UPRT: variants seen among roughly 807,000 people sequenced by gnomAD.
The protein encoded by UPRT is RP11-311P8.3.
In UPRT, 5 loss-of-function variants were observed where a neutral mutation model predicts 22.6. The observed-to-expected ratio is 0.22, with a 90% CI of 0.12 to 0.47. UPRT has a LOEUF of 0.47. UPRT is among the 20% of genes least tolerant of loss of function. The probability of loss-of-function intolerance (pLI) is 0.99; values close to 1 mark genes in which losing one functional copy is unlikely to be tolerated. For missense variants in UPRT, 181 were observed against 239.9 expected, an observed-to-expected ratio of 0.75 and a Z score of 1.62; for synonymous variants, 77 against 87.7, an observed-to-expected ratio of 0.88 and a Z score of 0.68.
intron 6 of UPRT, among the ~76,000 whole-genome samples, chrX:75,302,650 A>G (rs2082748372): frequency 9.0e-6 from 1 of 111,439 alleles, no homozygotes; most frequent in Non-Finnish European, 1.9e-5. Context: ...TATGTTATTT[A>G]TTTAACCATT....
At chrX:75,180,681 G>GT (rs59522302) in intron 4 of UPRT, among the ~76,000 whole-genome samples, 20 of 43,898 alleles carry the variant, frequency 4.6e-4, no homozygotes, top group African/African-American at 8.3e-4. Context: ...CCTTTTCTCT[G>GT]TTTTTTTTTT....
chrX:75,161,327 TC>T (rs1335487488), intron 2 of UPRT, among the ~76,000 whole-genome samples: 2 of 113,015 alleles, frequency 1.8e-5, no homozygotes, highest in Middle Eastern at 4.6e-3. Context: ...AAGGTCTGAT[TC>T]CAGAGCCCAT....
At chrX:75,268,705 A>G (rs1427485399) in intron 4 of UPRT, among the ~76,000 whole-genome samples, 1 of 27,693 alleles carries the variant, frequency 3.6e-5, no homozygotes, top group Non-Finnish European at 3.8e-4. Flanking sequence ...ATAAAATTCA[A>G]CAGCCCTTCA....
chrX:75,243,484 C>T (rs1433943636), intron 4 of UPRT, among the ~76,000 whole-genome samples: 1 of 111,250 alleles, frequency 9.0e-6, no homozygotes, highest in African/African-American at 3.3e-5. Flanking sequence ...TGGCAATCCT[C>T]AAGTTTTTTG....
At chrX:75,290,793 T>C (rs962128695) in intron 1 of UPRT, among the ~76,000 whole-genome samples, 3 of 109,447 alleles carry the variant, frequency 2.7e-5, no homozygotes, top group Non-Finnish European at 5.7e-5. Context: ...TGGGGACTAC[T>C]AAATGGGGGA....
intron 4 of UPRT, among the ~76,000 whole-genome samples, chrX:75,197,255 A>G (rs1374914896): frequency 8.9e-6 from 1 of 112,100 alleles, no homozygotes; most frequent in East Asian, 2.8e-4. Context: ...GCGGTGGCAA[A>G]CACAAATTTC....
rs1054154992 is a variant in UPRT, at chrX:75,182,275, T to C, written c.-447+14396T>C. ...AGTTTGCTAGTCATTCTTTGAGGAT[T>C]TTTTCATTTATATTCATCAGGAATA... On this transcript the variant is annotated intron_variant, in intron 4 of 13. Transcript: ENST00000652605. 6.3e-5 allele frequency among the ~76,000 whole-genome samples: 7 copies of C among 112,000 alleles called. No individual in the cohort carries two copies. The East Asian group carries it at 1.7e-3, about 27-fold the overall frequency.
intron 4 of UPRT, among the ~76,000 whole-genome samples, chrX:75,187,630 T>C (rs2082298503): frequency 8.9e-6 from 1 of 112,287 alleles, no homozygotes; most frequent in African/African-American, 3.2e-5. Flanking sequence ...TCCAACTTGA[T>C]TCCATTCTCC....
chrX:75,251,229 A>T (rs1300316901), intron 4 of UPRT, among the ~76,000 whole-genome samples: 3 of 111,553 alleles, frequency 2.7e-5, no homozygotes, highest in African/African-American at 6.5e-5. Context: ...AGGCAGGAGA[A>T]GGAAATAAAG....
intron 4 of UPRT, among the ~76,000 whole-genome samples, chrX:75,232,656 A>C (rs892186922): frequency 8.9e-6 from 1 of 111,943 alleles, no homozygotes; most frequent in African/African-American, 3.2e-5. Flanking sequence ...TAACTGGGAG[A>C]CACTCGCCAG....
chrX:75,257,854 G>T (rs1363136668), intron 4 of UPRT, among the ~76,000 whole-genome samples: 1 of 111,415 alleles, frequency 9.0e-6, no homozygotes, highest in East Asian at 2.9e-4. Context: ...TGATGCAGAA[G>T]AAGGGTGATT....
At position 75,217,385 on chromosome X, in the gene UPRT, T is replaced by G. The variant is rs187787715; in HGVS notation, c.-447+49506T>G. Among the ~76,000 whole-genome samples the G allele has an allele frequency of 2.3e-3, 260 of 111,364 alleles. 1 individual carries two copies. Among genetic ancestry groups the G allele is most frequent in the Non-Finnish European group, 2.6e-3 (140 of 53,082 alleles). On this transcript the variant is annotated intron_variant, in intron 4 of 13. Coordinates refer to the UPRT transcript ENST00000652605. ...ATGGGGATGGCATTGAATCTACAAA[T>G]TACCTTGGGCAGTATGGCCATTTTC...
chrX:75,293,388 T>G, intron 1 of UPRT, 84 bp from the exon 2 acceptor site: 1 of 913,474 alleles, frequency 1.1e-6, no homozygotes, highest in Non-Finnish European at 1.5e-6. Context: ...TTATAGGTCT[T>G]AATATCAGTG....
chrX:75,272,923 C>T (rs961036615), upstream of UPRT, among the ~76,000 whole-genome samples: 2 of 111,452 alleles, frequency 1.8e-5, no homozygotes, highest in African/African-American at 6.5e-5. Context: ...ATGGAATCAA[C>T]CTAACTACCC....
At chrX:75,194,269 T>C (rs2147619952) in intron 4 of UPRT, among the ~76,000 whole-genome samples, 1 of 111,872 alleles carries the variant, frequency 8.9e-6, no homozygotes, top group African/African-American at 3.2e-5. Flanking sequence ...CTCTAACTCT[T>C]AGGAGTGGGT....
At chrX:75,289,545 C>T (rs1244823916) in intron 1 of UPRT, among the ~76,000 whole-genome samples, 2 of 111,351 alleles carry the variant, frequency 1.8e-5, no homozygotes, top group Non-Finnish European at 3.8e-5. Context: ...CATCACATTA[C>T]CTGACTTCAA....
chrX:75,169,489 T>G (rs1170392876), intron 4 of UPRT, among the ~76,000 whole-genome samples: 2 of 111,892 alleles, frequency 1.8e-5, no homozygotes, highest in Non-Finnish European at 3.8e-5. Context: ...GTTATTGCAC[T>G]GTGGTTTTGA....
At chrX:75,180,706 T>C (rs1426957369) in intron 4 of UPRT, among the ~76,000 whole-genome samples, 1 of 95,903 alleles carries the variant, frequency 1.0e-5, no homozygotes, top group Non-Finnish European at 2.1e-5. Context: ...TTTTTTTTTT[T>C]TTTTTTTTTT....
At chrX:75,165,401 A>C (rs1209810340) in intron 3 of UPRT, among the ~76,000 whole-genome samples, 1 of 111,867 alleles carries the variant, frequency 8.9e-6, no homozygotes, top group African/African-American at 3.2e-5. Flanking sequence ...TAAAAGTCAG[A>C]TCTGCCTTTG....
Sources: allele counts gnomAD v4.1 joint callset (sites outside exome capture counted in the v4.1 genomes callset), GRCh38; gene constraint gnomAD v4.1.1; transcripts MANE v1.5; gene names NCBI Gene and HGNC (gene_info 2026-07-23, HGNC 2026-07-21).